The following RUBCN variants were observed in gnomAD, a reference collection of about 807,000 sequenced individuals.
RUBCN encodes the protein run domain Beclin-1-interacting and cysteine-rich domain-containing protein.
RUBCN carries 74 observed loss-of-function variants against 113.2 expected under a neutral mutation model. That is an observed-to-expected ratio of 0.65 (90% CI 0.54 to 0.79). The LOEUF is 0.79. Ranked by LOEUF, RUBCN falls within the 30% of genes least tolerant of loss-of-function variation. RUBCN has a pLI of 0.00. For missense variants in RUBCN, 1,109 were observed against 1,251.7 expected (o/e 0.89, Z 1.72); for synonymous variants, 480 against 490.0 (o/e 0.98, Z 0.27).
Position 197,689,615 on chromosome 3 carries a change from A to G in RUBCN, c.1786+4100T>C, listed in dbSNP as rs949948306. ...GCAGGGAAGACTCATGTTAGAATCA[A>G]TGACAGTCGTTCAGGAGTAGGAAAA... On this transcript the variant is annotated intron_variant, in intron 11 of 19. Transcript: ENST00000296343. Among the ~76,000 whole-genome samples, 21 of 152,308 alleles carry G rather than the reference A, an allele frequency of 1.4e-4. No individual in the cohort carries two copies. In the East Asian group the frequency reaches 3.7e-3, roughly 27 times the overall value.
At chr3:197,720,361 T>G (rs1726009969) in intron 1 of RUBCN, among the ~76,000 whole-genome samples, 1 of 152,132 alleles carries the variant, frequency 6.6e-6, no homozygotes, top group Non-Finnish European at 1.5e-5. Flanking sequence ...TGAAGTGTAT[T>G]CCATAGTGTA....
Position 197,681,110 on chromosome 3 carries a change from G to C in RUBCN, c.2430+19C>G. ...AGGAGAAGGGCAAGACTCTAAGGTG[G>C]CCTTTTCCAAGGTCTTACCCGGACT... On this transcript the variant is annotated intron_variant, in intron 16 of 19. Transcript: ENST00000296343. The surrounding 1 kb of genome is among the most constrained non-coding windows in gnomAD (Gnocchi z 5.5). The C allele has an allele frequency of 6.5e-7, 1 of 1,540,410 alleles. No individual in the cohort carries two copies. Among genetic ancestry groups the C allele is most frequent in the Non-Finnish European group, 9.0e-7 (1 of 1,114,144 alleles).
chr3:197,718,308 TA>T (rs974957269), intron 1 of RUBCN, among the ~76,000 whole-genome samples, 178 bp from the exon 2 acceptor site: 3 of 152,220 alleles, frequency 2.0e-5, no homozygotes, highest in Non-Finnish European at 2.9e-5. Context: ...TGAACAATAC[TA>T]ATTTAAAGAC....
chr3:197,694,350 A>C (rs1344057168), intron 10 of RUBCN, 25 bp downstream of exon 10: 3 of 1,607,544 alleles, frequency 1.9e-6, no homozygotes, highest in Non-Finnish European at 2.6e-6. Flanking sequence ...ATGTGGGAAC[A>C]GAAGCATCCA....
chr3:197,731,299 A>G (rs1454305555), intron 1 of RUBCN, among the ~76,000 whole-genome samples: 2 of 152,202 alleles, frequency 1.3e-5, no homozygotes, highest in South Asian at 2.1e-4. Flanking sequence ...TTCAGAGAGC[A>G]CAGGGTTGGG....
At chr3:197,693,582 A>G in intron 11 of RUBCN, 133 bp downstream of exon 11, 1 of 705,236 alleles carries the variant, frequency 1.4e-6, no homozygotes, top group Non-Finnish European at 2.5e-6. Flanking sequence ...TTTTTAGCAG[A>G]AGGCTGTCCC....
intron 2 of RUBCN, among the ~76,000 whole-genome samples, chr3:197,705,566 G>GAAAAAAAAAAAAAA (rs1023962921): frequency 4.7e-5 from 2 of 42,502 alleles, no homozygotes; most frequent in African/African-American, 8.8e-5. Context: ...CCCTAACTCA[G>GAAAAAAAAAAAAAA]AAAAAAAAAA....
At chr3:197,727,835 T>C (rs1200140092) in intron 1 of RUBCN, among the ~76,000 whole-genome samples, 1 of 152,270 alleles carries the variant, frequency 6.6e-6, no homozygotes, top group African/African-American at 2.4e-5. Flanking sequence ...AGGCTCATGT[T>C]ATACTGTCTA....
At chr3:197,680,226 G>A (rs1180031502) in intron 16 of RUBCN, among the ~76,000 whole-genome samples, 1 of 131,762 alleles carries the variant, frequency 7.6e-6, no homozygotes, top group African/African-American at 2.9e-5. Flanking sequence ...AGACTGTCCT[G>A]TGCTCTAACT....
chr3:197,686,344 G>C (rs1197234538), intron 11 of RUBCN, among the ~76,000 whole-genome samples: 1 of 152,132 alleles, frequency 6.6e-6, no homozygotes, highest in African/African-American at 2.4e-5. Context: ...TAGAGGTAAA[G>C]TGAGGTCGGA....
intron 2 of RUBCN, among the ~76,000 whole-genome samples, chr3:197,706,311 C>G (rs886321101): frequency 6.6e-6 from 1 of 152,078 alleles, no homozygotes; most frequent in African/African-American, 2.4e-5. Flanking sequence ...TTTTCGATAA[C>G]CTTTTCTGAG....
chr3:197,732,241 C>T (rs192381831), intron 1 of RUBCN, among the ~76,000 whole-genome samples: 103 of 152,236 alleles, frequency 6.8e-4, no homozygotes, highest in Admixed American at 1.4e-3. Context: ...GGAGACAGTA[C>T]ACTGCATGGC....
chr3:197,717,229 TTGAGA>T (rs1560455547), intron 2 of RUBCN, among the ~76,000 whole-genome samples: 11 of 151,284 alleles, frequency 7.3e-5, no homozygotes, highest in East Asian at 2.0e-4. Flanking sequence ...GGTCAGGAGA[TTGAGA>T]CCACTGAGAC....
intron 8 of RUBCN, among the ~76,000 whole-genome samples, chr3:197,696,242 C>T (rs1233464440): frequency 6.6e-6 from 1 of 151,998 alleles, no homozygotes; most frequent in Non-Finnish European, 1.5e-5. Context: ...CATGGTGGCA[C>T]ATGCCTGTAA....
Position 197,703,582 on chromosome 3 carries a change from T to A in RUBCN, c.536A>T (p.Asn179Ile). Residue 179 changes from asparagine to isoleucine, a missense_variant, in exon 5 of 20, where the codon AAC (asparagine) becomes ATC (isoleucine). Coordinates refer to ENST00000296343, the MANE Select transcript of RUBCN (RefSeq NM_014687.4). ...LQCLEAVEQNNPRLLAQIDAS... is the reference protein window; with the variant it reads ...LQCLEAVEQNIPRLLAQIDAS... Reference sequence around the variant, plus strand: ...ATCGATCTGAGCCAGGAGGCGGGGGTTGTTCTGTTCCACTGCTTCCAGGCA... The same window carrying A: ...ATCGATCTGAGCCAGGAGGCGGGGGATGTTCTGTTCCACTGCTTCCAGGCA... 3.7e-6 allele frequency: 6 copies of A among 1,613,534 alleles called. No homozygotes were observed. The highest frequency in any genetic ancestry group is 5.1e-6 in the Non-Finnish European group (6 of 1,179,778).
At position 197,701,841 on chromosome 3, in the gene RUBCN, C is replaced by A; in HGVS notation, c.594G>T (p.Pro198=). 1 of 1,614,118 alleles carries A rather than the reference C, an allele frequency of 6.2e-7. No individual in the cohort carries two copies. Among genetic ancestry groups the A allele is most frequent in the East Asian group, 2.2e-5 (1 of 44,886 alleles). The change falls in exon 6 of 20, where the codon CCG becomes CCT. Residue 198 remains proline (P), a synonymous_variant. Coordinates refer to ENST00000296343, the MANE Select transcript of RUBCN (RefSeq NM_014687.4). ...ASMFARKHES[P]LLVTKSQSLT... ...GGCTCTGGCTCTTTGTCACCAGGAG[C>A]GGGCTCTCGTGCTTTCTGGCAAACT...
intron 16 of RUBCN, among the ~76,000 whole-genome samples, chr3:197,679,750 A>G (rs1720970733): frequency 6.8e-6 from 1 of 146,254 alleles, no homozygotes; most frequent in Admixed American, 6.8e-5. Context: ...AACTGGCTCC[A>G]GACTGTCCTA....
At chr3:197,735,017 T>C (rs1727958129) in intron 1 of RUBCN, among the ~76,000 whole-genome samples, 1 of 152,220 alleles carries the variant, frequency 6.6e-6, no homozygotes, top group South Asian at 2.1e-4. Flanking sequence ...GTTGATATTT[T>C]CTCAGAGGTA....
intron 2 of RUBCN, among the ~76,000 whole-genome samples, chr3:197,717,267 C>T (rs1725634366): frequency 6.6e-6 from 1 of 151,758 alleles, no homozygotes; most frequent in African/African-American, 2.4e-5. Context: ...CACGGTGAAA[C>T]CCCGTCTCTA....
Sources: gnomAD v4.1 joint callset for allele counts (sites outside exome capture counted in the v4.1 genomes callset) on GRCh38, gnomAD v4.1.1 for gene constraint, Gnocchi (gnomAD v3.1) non-coding constraint, MANE v1.5 for transcripts, NCBI Gene and HGNC (gene_info 2026-07-23, HGNC 2026-07-21) for gene names.